Variants in STOX2 observed in about 807,000 individuals in gnomAD.
STOX2 encodes the protein storkhead box 2.
In STOX2, 28 loss-of-function variants were observed where a neutral mutation model predicts 60.9. That is an observed-to-expected ratio of 0.46 (90% confidence interval 0.34 to 0.63). The LOEUF (loss-of-function observed/expected upper bound fraction) is 0.63. Ranked by LOEUF, STOX2 falls within the 30% of genes least tolerant of loss-of-function variation. The probability of loss-of-function intolerance (pLI) is 0.01; values close to 1 mark genes in which losing one functional copy is unlikely to be tolerated. For synonymous variants in STOX2, 472 were observed against 463.9 expected (o/e 1.02, Z -0.22); for missense variants, 1,024 against 1,187.7 (o/e 0.86, Z 2.03).
intron 1 of STOX2, among the ~76,000 whole-genome samples, chr4:183,959,689 A>C (rs1743357562): frequency 6.6e-6 from 1 of 152,248 alleles, no homozygotes; most frequent in Non-Finnish European, 1.5e-5. Context: ...ATGTTAAATA[A>C]AAATATTGAA....
rs1741211810 is a variant in STOX2, at chr4:183,891,395, T to C, written c.364+93340T>C. On this transcript the variant is annotated intron_variant, in intron 1 of 2. Coordinates refer to the STOX2 transcript ENST00000513034. ...ATATATATATATATATATATATATATATATATATATATGATGGAATACTAC... is the reference window on the plus strand; with the variant it reads ...ATATATATATATATATATATATATACATATATATATATGATGGAATACTAC... 3.5e-5 allele frequency among the ~76,000 whole-genome samples: 3 copies of C among 86,028 alleles called. 1 individual carries two copies. Among genetic ancestry groups the C allele is most frequent in the Admixed American group, 2.7e-4 (2 of 7,290 alleles). The allele number at this position is 86,028 out of a possible 152,430, so 56.4% of individuals were successfully genotyped here. A position where few individuals can be genotyped will look rare whatever the true frequency, so the allele number is the denominator to read the frequency against.
intron 1 of STOX2, among the ~76,000 whole-genome samples, chr4:183,949,196 A>G (rs1429045319): frequency 6.6e-6 from 1 of 152,192 alleles, no homozygotes; most frequent in Non-Finnish European, 1.5e-5. Flanking sequence ...AGAGGAAGAA[A>G]CAATAAGAGA....
intron 1 of STOX2, among the ~76,000 whole-genome samples, chr4:183,891,789 C>A (rs1211638934): frequency 4.6e-5 from 7 of 151,758 alleles, no homozygotes; most frequent in Admixed American, 4.6e-4. Flanking sequence ...TTAAAAAAAT[C>A]AATAAATAAA....
intron 2 of STOX2, among the ~76,000 whole-genome samples, chr4:184,006,225 A>G (rs558581745): frequency 6.6e-6 from 1 of 152,370 alleles, no homozygotes; most frequent in Non-Finnish European, 1.5e-5. Context: ...AAACTGGTCA[A>G]TCATGAATAC....
intron 1 of STOX2, among the ~76,000 whole-genome samples, chr4:183,871,501 C>T (rs112965336): frequency 0.012 from 1,796 of 152,170 alleles, 38 homozygotes; most frequent in African/African-American, 0.042. Context: ...TGTGAACAGG[C>T]TTTTGTGCCA....
chr4:183,998,832 A>G (rs10011179), intron 1 of STOX2, among the ~76,000 whole-genome samples: 29,282 of 151,726 alleles, frequency 0.19, 2,997 homozygotes, highest in East Asian at 0.35. Flanking sequence ...GTGAGCCACC[A>G]TGCCCAACCC....
At chr4:183,939,615 A>G (rs1411178013) in intron 1 of STOX2, among the ~76,000 whole-genome samples, 1 of 151,862 alleles carries the variant, frequency 6.6e-6, no homozygotes, top group Non-Finnish European at 1.5e-5. Flanking sequence ...TTTTTTCAGA[A>G]TCACTATTTA....
rs369125620 is a variant in STOX2, at chr4:183,950,950, T to G, written c.166+43994T>G. Among the ~76,000 whole-genome samples the G allele has an allele frequency of 3.9e-4, 59 of 152,044 alleles. 1 individual carries two copies. The East Asian group carries it at 0.011, about 28-fold the overall frequency. On this transcript the variant is annotated intron_variant, in intron 1 of 3. Coordinates refer to ENST00000308497, the MANE Select transcript of STOX2 (RefSeq NM_020225.3). ...CAGTAGTGCGGCCGGGCGCGGTGGC[T>G]CACGCCTGTAATCCCAGCACTTTGG...
chr4:183,850,593 G>A (rs533451348), intron 1 of STOX2, among the ~76,000 whole-genome samples: 2 of 152,176 alleles, frequency 1.3e-5, no homozygotes, highest in East Asian at 2.0e-4. Flanking sequence ...GCTGGGCTTG[G>A]TGGCAGGTGC....
chr4:183,857,660 G>T (rs563808397), intron 1 of STOX2, among the ~76,000 whole-genome samples: 2 of 151,978 alleles, frequency 1.3e-5, no homozygotes, highest in Non-Finnish European at 1.5e-5. Context: ...CCTGAATCCC[G>T]GGCAGCTGTG....
rs145154205 is a variant in STOX2, at chr4:183,885,468, T to C, written c.364+87413T>C. ...CCTGCCTGTGGCCTCCTTGCTGTAT[T>C]TGAGTGATGATGATTCTGGTTCTGT... On this transcript the variant is annotated intron_variant, in intron 1 of 2. Coordinates refer to the STOX2 transcript ENST00000513034. Among the ~76,000 whole-genome samples, 1,310 of 152,252 alleles carry C rather than the reference T, an allele frequency of 8.6e-3. 12 individuals carry two copies. The highest frequency in any genetic ancestry group is 0.013 in the Non-Finnish European group (892 of 68,016).
At chr4:183,989,169 G>GTTT (rs11421201) in intron 1 of STOX2, among the ~76,000 whole-genome samples, 28 of 80,008 alleles carry the variant, frequency 3.5e-4, no homozygotes, top group South Asian at 8.2e-4. Flanking sequence ...ATTTTTTCTG[G>GTTT]TTTTTTTTTT....
In STOX2 at chr4:183,811,405, T is replaced by C. The variant is rs185573344; in HGVS notation, c.364+13350T>C. ...CCCTCAGGCAATCCTAGGAACAGAT[T>C]TTCAGACGTTACAAGCACCAGGTAT... On this transcript the variant is annotated intron_variant, in intron 1 of 2. Transcript: ENST00000513034. 2.1e-3 allele frequency among the ~76,000 whole-genome samples: 323 copies of C among 152,300 alleles called. 1 individual carries two copies. The highest frequency in any genetic ancestry group is 0.015 in the Admixed American group (232 of 15,304).
chr4:183,959,679 A>G (rs987118987), intron 1 of STOX2, among the ~76,000 whole-genome samples: 1 of 152,228 alleles, frequency 6.6e-6, no homozygotes, highest in Non-Finnish European at 1.5e-5. Context: ...CATCAGAATC[A>G]TGTTAAATAA....
rs747170021 is a variant in STOX2, at chr4:184,010,685, C to T, written c.1847C>T (p.Pro616Leu). 49 of 1,612,928 alleles carry T rather than the reference C, an allele frequency of 3.0e-5. No homozygotes were observed. Among genetic ancestry groups the T allele is most frequent in the Non-Finnish European group, 4.1e-5 (48 of 1,179,498 alleles). Residue 616 changes from proline to leucine, a missense_variant, in exon 3 of 4, where the codon CCT becomes CTT. By Grantham distance (98) the Pro-to-Leu change is moderately conservative. Coordinates refer to ENST00000308497, the MANE Select transcript of STOX2 (RefSeq NM_020225.3). The surrounding 1 kb of genome is among the most constrained non-coding windows in gnomAD (Gnocchi z 4.5). ...SSETVLTAPS[P>L]LGKNKEDHDT... ...GAGACGGTGCTCACGGCACCATCAC[C>T]TCTGGGAAAGAATAAGGAGGACCAT...
chr4:183,823,353 G>A (rs1248996736), intron 1 of STOX2, among the ~76,000 whole-genome samples: 1 of 152,206 alleles, frequency 6.6e-6, no homozygotes, highest in East Asian at 1.9e-4. Flanking sequence ...CTGAGAATGT[G>A]CCACTGCACT....
At chr4:183,987,497 T>C (rs1732897373) in intron 1 of STOX2, among the ~76,000 whole-genome samples, 1 of 151,964 alleles carries the variant, frequency 6.6e-6, no homozygotes, top group South Asian at 2.1e-4. Flanking sequence ...ATCTTAGCCG[T>C]AGACATTTTT....
At chr4:183,988,747 A>G (rs2111198694) in intron 1 of STOX2, 1 of 152,716 alleles carries the variant, frequency 6.5e-6, no homozygotes, top group East Asian at 1.9e-4. Context: ...GCTTGGATGC[A>G]GCTCCCTAGC....
intron 1 of STOX2, among the ~76,000 whole-genome samples, chr4:183,981,701 A>G (rs945909223): frequency 6.6e-6 from 1 of 152,230 alleles, no homozygotes. Flanking sequence ...AACTTAGGGC[A>G]GAAAAATAGT....
Sources: allele counts gnomAD v4.1 joint callset (sites outside exome capture counted in the v4.1 genomes callset), GRCh38; gene constraint gnomAD v4.1.1; non-coding constraint Gnocchi (gnomAD v3.1); transcripts MANE v1.5; gene names NCBI Gene and HGNC (gene_info 2026-07-23, HGNC 2026-07-21).